Variants in GALNT13 observed in about 807,000 individuals in gnomAD.
GALNT13 encodes UDP-GalNAc:polypeptide N-acetylgalactosaminyltransferase 13.
A neutral mutation model predicts 64.2 loss-of-function variants in GALNT13; 28 were observed. That is an observed-to-expected ratio of 0.44 (90% CI 0.32 to 0.60). The LOEUF is 0.60. GALNT13 is among the 20% of genes least tolerant of loss of function. The pLI, the probability that GALNT13 is intolerant of heterozygous loss-of-function variation, is 0.05. For missense variants in GALNT13, 577 were observed against 669.8 expected, an observed-to-expected ratio of 0.86 and a Z score of 1.53; for synonymous variants, 214 against 224.6, an observed-to-expected ratio of 0.95 and a Z score of 0.42.
chr2:154,122,091 T>C (rs924006851), intron 3 of GALNT13, among the ~76,000 whole-genome samples: 1 of 152,110 alleles, frequency 6.6e-6, no homozygotes, highest in Admixed American at 6.5e-5. Flanking sequence ...TTTTATGCAT[T>C]AGTTAATAAG....
the GALNT13 span, among the ~76,000 whole-genome samples, chr2:153,168,584 C>T: frequency 6.6e-6 from 1 of 152,162 alleles, no homozygotes; most frequent in Non-Finnish European, 1.5e-5. Context: ...TCTCAGCAAA[C>T]TTCAAGTACA....
chr2:153,753,683 T>C, the GALNT13 span, among the ~76,000 whole-genome samples: 2 of 152,168 alleles, frequency 1.3e-5, no homozygotes, highest in Admixed American at 1.3e-4. Context: ...GGACTGGGTC[T>C]TGTCTAAGGT....
chr2:153,232,606 C>T, the GALNT13 span, among the ~76,000 whole-genome samples: 4 of 152,194 alleles, frequency 2.6e-5, no homozygotes, highest in African/African-American at 9.7e-5. Context: ...AGTGACAATG[C>T]TCATAGTCAT....
At chr2:154,104,860 C>T (rs1466098570) in intron 3 of GALNT13, among the ~76,000 whole-genome samples, 1 of 152,184 alleles carries the variant, frequency 6.6e-6, no homozygotes, top group African/African-American at 2.4e-5. Context: ...CAGTATGGCA[C>T]ACACTGCCTC....
At chr2:153,974,336 A>G (rs1413661073) in intron 3 of GALNT13, among the ~76,000 whole-genome samples, 1 of 152,120 alleles carries the variant, frequency 6.6e-6, no homozygotes, top group Non-Finnish European at 1.5e-5. Context: ...ACAGATTTGT[A>G]TTTTAATCAA....
intron 4 of GALNT13, among the ~76,000 whole-genome samples, chr2:154,213,523 T>C (rs1278077556): frequency 1.3e-5 from 2 of 151,754 alleles, no homozygotes; most frequent in Admixed American, 1.3e-4. Flanking sequence ...ATATAACAGA[T>C]ATCTGGAAGA....
At chr2:153,722,063 C>T in the GALNT13 span, among the ~76,000 whole-genome samples, 1 of 149,830 alleles carries the variant, frequency 6.7e-6, no homozygotes, top group Non-Finnish European at 1.5e-5. Flanking sequence ...GGAAGTAAAG[C>T]TCTCCTCAGA....
chr2:154,253,802 T>A (rs374573108), intron 7 of GALNT13, among the ~76,000 whole-genome samples: 1 of 152,246 alleles, frequency 6.6e-6, no homozygotes, highest in Non-Finnish European at 1.5e-5. Context: ...ATTTTAACTT[T>A]CAAATAGATT....
intron 2 of GALNT13, among the ~76,000 whole-genome samples, chr2:153,942,293 G>T (rs1376362129): frequency 6.6e-6 from 1 of 152,092 alleles, no homozygotes; most frequent in Non-Finnish European, 1.5e-5. Flanking sequence ...GGATGGTGCT[G>T]TTTACATCTT....
chr2:154,027,447 G>A (rs1018797143), intron 3 of GALNT13, among the ~76,000 whole-genome samples: 2 of 152,042 alleles, frequency 1.3e-5, no homozygotes, highest in African/African-American at 4.8e-5. Context: ...AGATTAGCAG[G>A]GCAAACTGTC....
chr2:153,457,159 C>T, the GALNT13 span, among the ~76,000 whole-genome samples: 1 of 152,252 alleles, frequency 6.6e-6, no homozygotes, highest in East Asian at 1.9e-4. Context: ...GATTTCATGC[C>T]TTCTGAGCTC....
At chr2:153,646,556 G>T in the GALNT13 span, among the ~76,000 whole-genome samples, 32,106 of 151,594 alleles carry the variant, frequency 0.21, 4,293 homozygotes, top group Middle Eastern at 0.43. Context: ...TTGGTGTGCT[G>T]CACCCATTAA....
the GALNT13 span, among the ~76,000 whole-genome samples, chr2:153,225,226 T>A: frequency 6.6e-6 from 1 of 152,082 alleles, no homozygotes; most frequent in Admixed American, 6.6e-5. Flanking sequence ...AGAAGAAAAA[T>A]CATATGATTA....
At chr2:154,141,065 A>C (rs1683230018) in intron 4 of GALNT13, among the ~76,000 whole-genome samples, 1 of 152,182 alleles carries the variant, frequency 6.6e-6, no homozygotes, top group South Asian at 2.1e-4. Flanking sequence ...TTGTATCTAA[A>C]CATAGAAAAG....
intron 9 of GALNT13, among the ~76,000 whole-genome samples, chr2:154,321,702 A>G (rs10183389): frequency 0.13 from 19,644 of 152,092 alleles, 1,319 homozygotes; most frequent in Middle Eastern, 0.19. Context: ...CTAAAGACTT[A>G]CTGAATTGTA....
chr2:154,169,272 T>C (rs1259026944), intron 4 of GALNT13, among the ~76,000 whole-genome samples: 1 of 152,086 alleles, frequency 6.6e-6, no homozygotes, highest in African/African-American at 2.4e-5. Context: ...GCAACAAATA[T>C]CTGAGTATTT....
the GALNT13 span, among the ~76,000 whole-genome samples, chr2:153,268,723 C>A: frequency 6.6e-6 from 1 of 152,248 alleles, no homozygotes; most frequent in African/African-American, 2.4e-5. Context: ...TTCCATACAT[C>A]CTCTGAAATC....
rs1574195851 is a variant in GALNT13 at position 153,954,160 on chromosome 2, T to A, written c.142+9521T>A. Reference sequence around the variant, plus strand: ...TTTACATAAGGGAGAACTAAAGAATTAAAGCAATAAATTAAATTAAAGCAA... The same window carrying A: ...TTTACATAAGGGAGAACTAAAGAATAAAAGCAATAAATTAAATTAAAGCAA... On this transcript the variant is annotated intron_variant, in intron 3 of 12. Transcript: ENST00000392825. Among the ~76,000 whole-genome samples the A allele has an allele frequency of 2.0e-5, 3 of 152,244 alleles. No homozygotes were observed. In the South Asian group the frequency reaches 6.2e-4, roughly 32 times the overall value.
At chr2:153,333,333 T>C in the GALNT13 span, among the ~76,000 whole-genome samples, 1 of 152,102 alleles carries the variant, frequency 6.6e-6, no homozygotes, top group African/African-American at 2.4e-5. Flanking sequence ...GAAAGGTGAG[T>C]CACGGAGGGA....
Sources: allele counts gnomAD v4.1 joint callset (sites outside exome capture counted in the v4.1 genomes callset), GRCh38; gene constraint gnomAD v4.1.1; transcripts MANE v1.5; gene names NCBI Gene and HGNC (gene_info 2026-07-23, HGNC 2026-07-21).